Variants in PDE1C observed in about 807,000 individuals in gnomAD.
The protein encoded by PDE1C is dual specificity calcium/calmodulin-dependent 3',5'-cyclic nucleotide phosphodiesterase 1C.
In PDE1C, 62 loss-of-function variants were observed where a neutral mutation model predicts 93.1. The observed-to-expected ratio is 0.67, with a 90% CI of 0.54 to 0.82. The LOEUF is 0.82. Ranked by LOEUF, PDE1C falls within the 40% of genes least tolerant of loss-of-function variation. The probability of loss-of-function intolerance (pLI) is 0.00; values close to 1 mark genes in which losing one functional copy is unlikely to be tolerated. For missense variants in PDE1C, 742 were observed against 884.6 expected, an observed-to-expected ratio of 0.84 and a Z score of 2.04; for synonymous variants, 325 against 310.1, an observed-to-expected ratio of 1.05 and a Z score of -0.50.
Position 32,031,596 on chromosome 7 carries a change from C to T in PDE1C, c.128+19958G>A, listed in dbSNP as rs374583453. On this transcript the variant is annotated intron_variant, in intron 2 of 17. Transcript: ENST00000396191. ...CACAAAAGTATAAAGATCTTGGCCA[C>T]GTTGCATAGCTTATTATAGGCAGGG... 1.1e-4 allele frequency among the ~76,000 whole-genome samples: 17 copies of T among 152,276 alleles called. 3 individuals carry two copies. The highest frequency in any genetic ancestry group is 9.6e-5 in the African/African-American group (4 of 41,574).
intron 1 of PDE1C, among the ~76,000 whole-genome samples, chr7:32,337,527 T>C (rs1391035492): frequency 1.3e-5 from 2 of 152,210 alleles, no homozygotes; most frequent in African/African-American, 4.8e-5. Context: ...AACTTACAAG[T>C]TGGCAGATTT....
chr7:32,134,331 C>T (rs1284922953), intron 3 of PDE1C, among the ~76,000 whole-genome samples: 4 of 152,126 alleles, frequency 2.6e-5, no homozygotes, highest in Non-Finnish European at 5.9e-5. Flanking sequence ...TCAAGAAAGC[C>T]ACACATATCT....
At chr7:31,983,643 A>T (rs1782988055) in intron 2 of PDE1C, among the ~76,000 whole-genome samples, 2 of 152,092 alleles carry the variant, frequency 1.3e-5, no homozygotes, top group Admixed American at 1.3e-4. Flanking sequence ...TTTTTAAAAA[A>T]TCACCATGGT....
At chr7:31,864,600 T>C (rs1343273013) in intron 7 of PDE1C, among the ~76,000 whole-genome samples, 1 of 152,218 alleles carries the variant, frequency 6.6e-6, no homozygotes, top group African/African-American at 2.4e-5. Context: ...TCAGTATACA[T>C]GAATATCATT....
At chr7:32,302,734 A>T (rs1812909682), upstream of PDE1C, among the ~76,000 whole-genome samples, 2 of 152,268 alleles carry the variant, frequency 1.3e-5, no homozygotes, top group Non-Finnish European at 2.9e-5. Flanking sequence ...TGTATCAAAA[A>T]GTATAGTTTC....
At chr7:32,193,983 C>T (rs1804426576) in intron 2 of PDE1C, among the ~76,000 whole-genome samples, 2 of 143,434 alleles carry the variant, frequency 1.4e-5, no homozygotes, top group Non-Finnish European at 3.0e-5. Context: ...GGCACAATCT[C>T]CGCTCACTCC....
chr7:31,991,669 T>C (rs12701166), intron 2 of PDE1C, among the ~76,000 whole-genome samples: 92,681 of 151,988 alleles, frequency 0.61, 28,933 homozygotes, highest in African/African-American at 0.75. Context: ...TCTTGGCCTA[T>C]GGAAAAAATG....
chr7:32,184,260 A>T (rs1441497191), intron 2 of PDE1C, among the ~76,000 whole-genome samples: 1 of 152,208 alleles, frequency 6.6e-6, no homozygotes, highest in African/African-American at 2.4e-5. Context: ...GGGATCTAGA[A>T]CTAGAAATAC....
At chr7:32,055,713 A>T (rs1793984135) in intron 1 of PDE1C, among the ~76,000 whole-genome samples, 3 of 151,778 alleles carry the variant, frequency 2.0e-5, no homozygotes, top group Non-Finnish European at 2.9e-5. Context: ...GACAAAGGGA[A>T]TTTTTTTTTG....
intron 1 of PDE1C, among the ~76,000 whole-genome samples, chr7:32,230,792 A>G (rs1022853870): frequency 6.6e-6 from 1 of 152,028 alleles, no homozygotes; most frequent in African/African-American, 2.4e-5. Context: ...AACTCACACA[A>G]CCCAGGGGAG....
At chr7:31,672,615 T>C in the PDE1C span, among the ~76,000 whole-genome samples, 1 of 152,224 alleles carries the variant, frequency 6.6e-6, no homozygotes, top group Non-Finnish European at 1.5e-5. Context: ...CCTATTTTTC[T>C]ATTAAGTACA....
chr7:32,190,373 T>C (rs2128820283), intron 2 of PDE1C, among the ~76,000 whole-genome samples: 1 of 152,318 alleles, frequency 6.6e-6, no homozygotes, highest in Non-Finnish European at 1.5e-5. Context: ...GCAAGAACTG[T>C]AGCACCTCCT....
rs1489715461 is a variant in PDE1C at position 32,249,347 on chromosome 7, C to T, written c.86-39808G>A. ...TTTTCCTTAAGGTGGTAAACGCAAG[C>T]AGAAGCATGCATCTAACTGCTCCTT... On this transcript the variant is annotated intron_variant, in intron 1 of 18. Coordinates refer to the PDE1C transcript ENST00000396193. Among the ~76,000 whole-genome samples, 6 of 151,736 alleles carry T rather than the reference C, an allele frequency of 4.0e-5. No individual in the cohort carries two copies. The South Asian group carries it at 1.0e-3, about 26-fold the overall frequency.
chr7:31,682,314 T>C, the PDE1C span, among the ~76,000 whole-genome samples: 244 of 152,174 alleles, frequency 1.6e-3, no homozygotes, highest in Non-Finnish European at 3.0e-3. Context: ...AATGGGCAAA[T>C]GGAATGAAGA....
In PDE1C at chr7:32,164,679, G is replaced by A. The variant is rs868199685; in HGVS notation, c.308+5106C>T. ...ATGAGCAAATGAATGCACAGTCCTC[G>A]GCACATAGCAGATGCTCAATAAATA... On this transcript the variant is annotated intron_variant, in intron 3 of 18. Coordinates refer to the PDE1C transcript ENST00000396193. 2.0e-5 allele frequency among the ~76,000 whole-genome samples: 3 copies of A among 152,264 alleles called. No homozygotes were observed. The Middle Eastern group carries it at 0.01, about 518-fold the overall frequency.
intron 2 of PDE1C, among the ~76,000 whole-genome samples, chr7:31,979,372 G>T (rs1224367929): frequency 3.3e-5 from 5 of 152,088 alleles, no homozygotes; most frequent in Non-Finnish European, 7.3e-5. Context: ...TTATATGGAG[G>T]TTATAAGAAT....
intron 11 of PDE1C, 23 bp downstream of exon 11, chr7:31,837,157 A>C: frequency 6.2e-7 from 1 of 1,609,756 alleles, no homozygotes. Flanking sequence ...GACAGTCCTG[A>C]TGGAGAGAGA....
At chr7:31,630,061 T>C in the PDE1C span, among the ~76,000 whole-genome samples, 237 of 152,090 alleles carry the variant, frequency 1.6e-3, 2 homozygotes, top group East Asian at 0.025. Flanking sequence ...CAGAAGAAAA[T>C]GAAATTGTCA....
the PDE1C span, among the ~76,000 whole-genome samples, chr7:31,669,391 A>G: frequency 1.3e-5 from 2 of 152,226 alleles, no homozygotes; most frequent in Admixed American, 6.5e-5. Context: ...TACAAAAAAT[A>G]ATCTGTTAAT....
Sources: allele counts gnomAD v4.1 joint callset (sites outside exome capture counted in the v4.1 genomes callset), GRCh38; gene constraint gnomAD v4.1.1; transcripts MANE v1.5; gene names NCBI Gene and HGNC (gene_info 2026-07-23, HGNC 2026-07-21).